Variants in TPRG1 observed in about 807,000 individuals in gnomAD.
TPRG1 encodes tumor protein p63-regulated gene 1 protein.
TPRG1 carries 29 observed loss-of-function variants against 29.3 expected under a neutral mutation model. The observed-to-expected ratio is 0.99, with a 90% CI of 0.74 to 1.35. TPRG1 has a LOEUF of 1.35. Among genes scored for constraint, TPRG1 ranks in the 40% most tolerant of loss-of-function variants. TPRG1 has a pLI of 0.00. For missense variants in TPRG1, 327 were observed against 335.0 expected (o/e 0.98, Z 0.19); for synonymous variants, 130 against 116.8 (o/e 1.11, Z -0.73).
intron 1 of TPRG1, among the ~76,000 whole-genome samples, chr3:189,180,607 C>T (rs1168877102): frequency 6.6e-6 from 1 of 152,218 alleles, no homozygotes; most frequent in Non-Finnish European, 1.5e-5. Flanking sequence ...CACACTGATG[C>T]AAGAGGTAGG....
At chr3:189,307,514 A>G (rs1721822075) in intron 4 of TPRG1, among the ~76,000 whole-genome samples, 1 of 152,226 alleles carries the variant, frequency 6.6e-6, no homozygotes. Flanking sequence ...TTTTTCACCC[A>G]TGAATGATGA....
intron 5 of TPRG1, among the ~76,000 whole-genome samples, chr3:189,318,174 A>G (rs1723855714): frequency 1.3e-5 from 2 of 152,036 alleles, no homozygotes; most frequent in South Asian, 4.1e-4. Context: ...TGGGAGGAGG[A>G]TAGGGAGGCT....
At chr3:189,192,077 CAGTCATAGGCAAT>C (rs1731780248) in intron 1 of TPRG1, among the ~76,000 whole-genome samples, 1 of 152,130 alleles carries the variant, frequency 6.6e-6, no homozygotes, top group Non-Finnish European at 1.5e-5. Context: ...CCATGGAGCC[CAGTCATAGGCAAT>C]AACTAAATAA....
rs532845719 is a variant in TPRG1, at chr3:189,138,409, C to T, written c.-291+5712C>T. On this transcript the variant is annotated intron_variant, in intron 3 of 6. Transcript: ENST00000412373. ...TTAACAACCAACCAACAAATACCAG[C>T]GGATTAAGAGAGCAGACTTTCATTT... Among the ~76,000 whole-genome samples the T allele has an allele frequency of 5.9e-5, 9 of 152,192 alleles. No homozygotes were observed. The South Asian group carries it at 8.3e-4, about 14-fold the overall frequency.
intron 1 of TPRG1, among the ~76,000 whole-genome samples, chr3:189,104,699 C>A (rs1426213631): frequency 6.6e-6 from 1 of 151,898 alleles, no homozygotes; most frequent in Non-Finnish European, 1.5e-5. Context: ...GCTTTAGCTT[C>A]CCTGTTAACC....
intron 1 of TPRG1, among the ~76,000 whole-genome samples, chr3:189,202,523 A>G (rs986159880): frequency 2.0e-5 from 3 of 152,174 alleles, no homozygotes; most frequent in Non-Finnish European, 2.9e-5. Context: ...TTTCCCTTTT[A>G]GGCAAAACGT....
At chr3:189,252,222 T>C (rs1022035718) in intron 4 of TPRG1, among the ~76,000 whole-genome samples, 1 of 152,094 alleles carries the variant, frequency 6.6e-6, no homozygotes, top group Admixed American at 6.5e-5. Flanking sequence ...GGTTATAGAT[T>C]AACAGCATCT....
At chr3:189,152,115 T>G (rs975815095) in intron 5 of TPRG1, among the ~76,000 whole-genome samples, 14 of 152,146 alleles carry the variant, frequency 9.2e-5, no homozygotes, top group African/African-American at 3.4e-4. Flanking sequence ...ATTCTCGTGC[T>G]TCACCTTCCA....
intron 3 of TPRG1, among the ~76,000 whole-genome samples, chr3:189,234,434 T>C (rs1052767160): frequency 2.0e-4 from 31 of 152,226 alleles, no homozygotes; most frequent in Non-Finnish European, 3.1e-4. Context: ...CATTTTGATA[T>C]GTGGATTATT....
intron 4 of TPRG1, among the ~76,000 whole-genome samples, chr3:189,078,907 A>C (rs1443548971): frequency 6.6e-6 from 1 of 152,208 alleles, no homozygotes; most frequent in Admixed American, 6.5e-5. Flanking sequence ...TGGCATGGGT[A>C]GGTCACCATA....
At chr3:189,002,089 A>T (rs1479622043) in intron 2 of TPRG1, among the ~76,000 whole-genome samples, 3 of 152,172 alleles carry the variant, frequency 2.0e-5, no homozygotes, top group African/African-American at 7.2e-5. Context: ...TGGATTCTGG[A>T]GCTGGCTCCA....
chr3:189,028,821 C>A (rs191172527), intron 4 of TPRG1, among the ~76,000 whole-genome samples: 1 of 152,012 alleles, frequency 6.6e-6, no homozygotes. Context: ...TTCTACTGTA[C>A]GTTAGTTAGA....
rs561322386 is a variant in TPRG1 at position 189,016,351 on chromosome 3, T to G, written c.-659-7399T>G. ...GCTGCCATTGTATTTTGGAAGTAAC[T>G]AAGTATGTCCCTTCTGTATATGAGC... On this transcript the variant is annotated intron_variant, in intron 3 of 10. Coordinates refer to the TPRG1 transcript ENST00000433971. 8.7e-4 allele frequency among the ~76,000 whole-genome samples: 133 copies of G among 152,234 alleles called. No individual in the cohort carries two copies. In the South Asian group the frequency reaches 9.3e-3, roughly 11 times the overall value.
At chr3:189,249,902 T>A (rs1741899197) in intron 4 of TPRG1, among the ~76,000 whole-genome samples, 1 of 152,196 alleles carries the variant, frequency 6.6e-6, no homozygotes, top group Non-Finnish European at 1.5e-5. Context: ...TAATGGTTAT[T>A]TATTTAGAAA....
At chr3:189,152,007 G>A (rs765259481) in intron 5 of TPRG1, among the ~76,000 whole-genome samples, 13 of 152,120 alleles carry the variant, frequency 8.5e-5, no homozygotes, top group Non-Finnish European at 1.3e-4. Context: ...TAACCATCAG[G>A]CCTTACAGAA....
At chr3:189,162,306 T>G (rs1727595806) in intron 5 of TPRG1, among the ~76,000 whole-genome samples, 1 of 152,084 alleles carries the variant, frequency 6.6e-6, no homozygotes. Flanking sequence ...GAAGGACCAT[T>G]CTAAGAAAAG....
intron 5 of TPRG1, among the ~76,000 whole-genome samples, chr3:189,157,800 C>T (rs192751206): frequency 1.7e-3 from 259 of 152,264 alleles, no homozygotes; most frequent in Admixed American, 5.3e-3. Context: ...TGAGTTGGGA[C>T]CTGTAGGACC....
Position 189,270,490 on chromosome 3 carries a change from C to T in TPRG1, c.479+31581C>T, listed in dbSNP as rs182322132. Among the ~76,000 whole-genome samples, 39 of 152,324 alleles carry T rather than the reference C, an allele frequency of 2.6e-4. No homozygotes were observed. The East Asian group carries it at 7.1e-3, about 28-fold the overall frequency. On this transcript the variant is annotated intron_variant, in intron 4 of 5. Transcript: ENST00000345063. ...GCAGTGCTGGAGGCTGCAGTGTTCCCAGGCTCAGTCAGCACTGAATGTGGA... is the reference window on the plus strand; with the variant it reads ...GCAGTGCTGGAGGCTGCAGTGTTCCTAGGCTCAGTCAGCACTGAATGTGGA...
chr3:189,122,028 CTG>C (rs1221074925), intron 1 of TPRG1, among the ~76,000 whole-genome samples: 1 of 151,314 alleles, frequency 6.6e-6, no homozygotes, highest in Admixed American at 6.6e-5. Flanking sequence ...GTTCCCTTAG[CTG>C]TGTGTGTGTG....
Sources: allele counts gnomAD v4.1 joint callset (sites outside exome capture counted in the v4.1 genomes callset), GRCh38; gene constraint gnomAD v4.1.1; transcripts MANE v1.5; gene names NCBI Gene and HGNC (gene_info 2026-07-23, HGNC 2026-07-21).